Variants in SGCZ observed in about 807,000 individuals in gnomAD.
SGCZ encodes zeta-sarcoglycan.
In SGCZ, 40 loss-of-function variants were observed where a neutral mutation model predicts 41.3. The ratio of observed to expected loss-of-function variants is 0.97; its 90% CI spans 0.75 to 1.26. The LOEUF is 1.26. Ranked by LOEUF, SGCZ falls within the 50% of genes most tolerant of loss-of-function variation. SGCZ has a pLI of 0.00. For synonymous variants in SGCZ, 206 were observed against 137.5 expected (o/e 1.50, Z -3.49); for missense variants, 552 against 369.8 (o/e 1.49, Z -4.04).
In SGCZ at chr8:15,117,353, C is replaced by T. The variant is rs59867844; in HGVS notation, c.39+120232G>A. Among the ~76,000 whole-genome samples the T allele has an allele frequency of 1.7e-3, 257 of 150,682 alleles. 3 individuals are homozygous for T. The East Asian group carries it at 0.043, about 25-fold the overall frequency. On this transcript the variant is annotated intron_variant, in intron 1 of 7. Coordinates refer to ENST00000382080, the MANE Select transcript of SGCZ (RefSeq NM_139167.4). ...CAGCCTGGGCGACAGAGCGAGACTC[C>T]ATCTCAAAAAAAAAAAAAGTATAAA...
intron 1 of SGCZ, among the ~76,000 whole-genome samples, chr8:15,115,034 C>G (rs568289701): frequency 1.3e-5 from 2 of 152,096 alleles, no homozygotes; most frequent in Non-Finnish European, 2.9e-5. Context: ...AAAACTAATA[C>G]ACTCTCAAAT....
Position 14,169,465 on chromosome 8 carries a change from A to T in SGCZ, c.425-4763T>A, listed in dbSNP as rs181379934. ...CAGTAAATTAAGGGGCCAATCCTTG[A>T]TTTTTTACCTTACTTGATCTTTTAG... On this transcript the variant is annotated intron_variant, in intron 4 of 7. Coordinates refer to ENST00000382080, the MANE Select transcript of SGCZ (RefSeq NM_139167.4). Among the ~76,000 whole-genome samples, 15 of 152,132 alleles carry T rather than the reference A, an allele frequency of 9.9e-5. No homozygotes were observed. In the East Asian group the frequency reaches 2.9e-3, roughly 30 times the overall value.
intron 1 of SGCZ, among the ~76,000 whole-genome samples, chr8:14,773,259 A>T (rs1800304228): frequency 6.6e-6 from 1 of 152,184 alleles, no homozygotes; most frequent in Non-Finnish European, 1.5e-5. Flanking sequence ...TCTTTCAAAG[A>T]ACATAATGGA....
chr8:14,551,926 G>T (rs1803882561), intron 2 of SGCZ, among the ~76,000 whole-genome samples: 1 of 151,292 alleles, frequency 6.6e-6, no homozygotes, highest in Non-Finnish European at 1.5e-5. Context: ...AGCTATCCTT[G>T]CTATGCTAAA....
intron 3 of SGCZ, among the ~76,000 whole-genome samples, chr8:14,286,713 A>T (rs958850671): frequency 6.6e-6 from 1 of 152,156 alleles, no homozygotes; most frequent in Admixed American, 6.6e-5. Flanking sequence ...TTTAGAATTA[A>T]TACTAAATTA....
chr8:14,397,655 C>T (rs1398045679), intron 2 of SGCZ, among the ~76,000 whole-genome samples: 3 of 152,078 alleles, frequency 2.0e-5, no homozygotes, highest in African/African-American at 7.2e-5. Flanking sequence ...CTAATCTCAT[C>T]TTTACAAAAC....
intron 1 of SGCZ, among the ~76,000 whole-genome samples, chr8:15,103,429 T>TAAATAAAA (rs1338442697): frequency 6.6e-6 from 1 of 151,012 alleles, no homozygotes; most frequent in Non-Finnish European, 1.5e-5. Flanking sequence ...AATAAATAAA[T>TAAATAAAA]AAAAGTAAAT....
intron 1 of SGCZ, among the ~76,000 whole-genome samples, chr8:14,906,197 C>G (rs1435850974): frequency 6.6e-6 from 1 of 152,054 alleles, no homozygotes; most frequent in African/African-American, 2.4e-5. Flanking sequence ...CTAATTCTTG[C>G]ATTAATTTTG....
chr8:14,551,508 T>TATATATA (rs1803831074), intron 2 of SGCZ, among the ~76,000 whole-genome samples: 7 of 4,806 alleles, frequency 1.5e-3, no homozygotes, highest in South Asian at 6.5e-3. Context: ...TTATATATAT[T>TATATATA]ATATATATTA....
At chr8:14,332,915 ATATATATACATATATATACATATATGTG>A (rs1362444393) in intron 2 of SGCZ, among the ~76,000 whole-genome samples, 2 of 138,168 alleles carry the variant, frequency 1.4e-5, no homozygotes, top group East Asian at 2.1e-4. Flanking sequence ...CTATACACAC[ATATATATACATATATATACATATATGTG>A]TATATATATA....
chr8:14,664,855 T>C (rs1807857549), intron 1 of SGCZ, among the ~76,000 whole-genome samples: 1 of 152,156 alleles, frequency 6.6e-6, no homozygotes, highest in Admixed American at 6.5e-5. Context: ...TATCTCATGT[T>C]GTTCCAAAGC....
At chr8:15,201,974 AT>A (rs1342436233) in intron 1 of SGCZ, among the ~76,000 whole-genome samples, 3 of 152,060 alleles carry the variant, frequency 2.0e-5, no homozygotes, top group East Asian at 1.9e-4. Flanking sequence ...ATGTAGTTTG[AT>A]TTTTTTCATT....
intron 1 of SGCZ, among the ~76,000 whole-genome samples, chr8:14,734,625 CTAA>C (rs1454942713): frequency 1.4e-4 from 21 of 152,248 alleles, no homozygotes; most frequent in African/African-American, 5.1e-4. Context: ...TCTCTTTATA[CTAA>C]TAATATGTGA....
chr8:14,381,872 G>C (rs867783471), intron 2 of SGCZ, among the ~76,000 whole-genome samples: 46 of 151,956 alleles, frequency 3.0e-4, no homozygotes, highest in African/African-American at 1.0e-3. Context: ...TTGTTTCACA[G>C]TCATCTTTCC....
At chr8:15,149,390 A>G (rs1009016611) in intron 1 of SGCZ, among the ~76,000 whole-genome samples, 1 of 152,146 alleles carries the variant, frequency 6.6e-6, no homozygotes, top group Non-Finnish European at 1.5e-5. Flanking sequence ...TGTCCCCACC[A>G]GATAGGACTA....
chr8:14,808,263 G>A (rs1236983864), intron 1 of SGCZ, among the ~76,000 whole-genome samples: 3 of 152,086 alleles, frequency 2.0e-5, no homozygotes, highest in Non-Finnish European at 4.4e-5. Flanking sequence ...CTTCTGTACA[G>A]CAAAAGAAAC....
intron 3 of SGCZ, among the ~76,000 whole-genome samples, chr8:14,300,261 A>C (rs939120705): frequency 2.0e-5 from 3 of 151,750 alleles, no homozygotes; most frequent in Non-Finnish European, 4.4e-5. Flanking sequence ...GAAGGAAGGA[A>C]AAAAGAAGGA....
At chr8:14,240,035 G>C (rs1355452564) in intron 3 of SGCZ, among the ~76,000 whole-genome samples, 2 of 151,832 alleles carry the variant, frequency 1.3e-5, no homozygotes, top group Non-Finnish European at 2.9e-5. Context: ...TTGTTAGAAT[G>C]GAAAGTTTAG....
chr8:14,975,652 G>A (rs17470556), intron 1 of SGCZ, among the ~76,000 whole-genome samples: 61,029 of 151,710 alleles, frequency 0.4, 14,097 homozygotes, highest in Middle Eastern at 0.54. Context: ...AGGACTCAGT[G>A]TATATCTCAG....
Sources: allele counts gnomAD v4.1 joint callset (sites outside exome capture counted in the v4.1 genomes callset), GRCh38; gene constraint gnomAD v4.1.1; transcripts MANE v1.5; gene names NCBI Gene and HGNC (gene_info 2026-07-23, HGNC 2026-07-21).